The following ANKS1B variants were observed in gnomAD, a reference collection of about 807,000 sequenced individuals.
ANKS1B encodes ankyrin repeat and sterile alpha motif domain containing 1B, also known as ankyrin repeat and sterile alpha motif domain-containing protein 1B.
In ANKS1B, 36 loss-of-function variants were observed where a neutral mutation model predicts 148.3. The observed-to-expected ratio is 0.24, with a 90% CI of 0.19 to 0.32. The LOEUF (loss-of-function observed/expected upper bound fraction) is 0.32, where lower values mean the gene tolerates loss of function less well. ANKS1B is among the 10% of genes least tolerant of loss of function. The pLI is 1.00. For synonymous variants in ANKS1B, 542 were observed against 560.8 expected (o/e 0.97, Z 0.47); for missense variants, 1,157 against 1,542.6 (o/e 0.75, Z 4.19).
intron 9 of ANKS1B, among the ~76,000 whole-genome samples, chr12:99,573,117 C>T (rs1349097070): frequency 6.6e-6 from 1 of 152,050 alleles, no homozygotes. Flanking sequence ...AGTGGAGTCT[C>T]AGTCAGATAA....
At chr12:99,461,429 TA>T (rs377620401) in intron 10 of ANKS1B, among the ~76,000 whole-genome samples, 3 of 150,634 alleles carry the variant, frequency 2.0e-5, no homozygotes, top group Admixed American at 1.3e-4. Flanking sequence ...CTATTAAAAT[TA>T]AAAAAAAAGA....
chr12:99,314,894 C>T (rs1327782619), intron 12 of ANKS1B, among the ~76,000 whole-genome samples: 2 of 152,064 alleles, frequency 1.3e-5, no homozygotes, highest in African/African-American at 2.4e-5. Context: ...AAAGCAATTG[C>T]GACAAAAGCA....
At chr12:99,466,967 C>G (rs537257275) in intron 10 of ANKS1B, among the ~76,000 whole-genome samples, 1 of 152,228 alleles carries the variant, frequency 6.6e-6, no homozygotes, top group African/African-American at 2.4e-5. Context: ...GATACCAAAG[C>G]CTGGCAGAGA....
At chr12:99,017,993 A>T (rs1228688146) in intron 17 of ANKS1B, among the ~76,000 whole-genome samples, 2 of 152,198 alleles carry the variant, frequency 1.3e-5, no homozygotes, top group Non-Finnish European at 2.9e-5. Flanking sequence ...TGGAAAAAAC[A>T]GCCATAGATG....
intron 9 of ANKS1B, among the ~76,000 whole-genome samples, chr12:99,558,256 A>G (rs2097298374): frequency 6.6e-6 from 1 of 152,156 alleles, no homozygotes; most frequent in Non-Finnish European, 1.5e-5. Context: ...AGGCATTGGC[A>G]GAGATGGGGT....
chr12:99,353,982 T>G (rs2091724120), intron 12 of ANKS1B, among the ~76,000 whole-genome samples: 1 of 152,052 alleles, frequency 6.6e-6, no homozygotes, highest in Admixed American at 6.6e-5. Context: ...AGGATGCATC[T>G]ATGTTTATGC....
chr12:99,983,986 CTAATT>C (rs2153869683), intron 1 of ANKS1B, 113 bp downstream of exon 1: 1 of 894,016 alleles, frequency 1.1e-6, no homozygotes, highest in East Asian at 2.5e-5. Context: ...GTTTTCCTAC[CTAATT>C]TAAGAATGAA....
At chr12:99,810,665 TG>T (rs2068241982) in intron 3 of ANKS1B, among the ~76,000 whole-genome samples, 1 of 152,032 alleles carries the variant, frequency 6.6e-6, no homozygotes, top group African/African-American at 2.4e-5. Flanking sequence ...GTAATTTAAT[TG>T]ATCTATTCAA....
In ANKS1B at chr12:98,911,759, T is replaced by C. The variant is rs567141434; in HGVS notation, c.2779-79623A>G. 7.2e-5 allele frequency among the ~76,000 whole-genome samples: 11 copies of C among 152,272 alleles called. 1 individual carries two copies. The East Asian group carries it at 2.1e-3, about 29-fold the overall frequency. Reference sequence around the variant, plus strand: ...ACCCTGTGTATGCACCCCTACAAACTATCTCCCCATGGTTTGGTCAGAGCT... The same window carrying C: ...ACCCTGTGTATGCACCCCTACAAACCATCTCCCCATGGTTTGGTCAGAGCT... On this transcript the variant is annotated intron_variant, in intron 17 of 26. Transcript: ENST00000683438.
chr12:99,279,570 G>T (rs760339803), intron 12 of ANKS1B, among the ~76,000 whole-genome samples: 4 of 152,174 alleles, frequency 2.6e-5, no homozygotes, highest in Non-Finnish European at 4.4e-5. Flanking sequence ...AATCTGTGGG[G>T]TGGGGTGGGG....
chr12:99,722,795 G>A (rs1181841122), intron 8 of ANKS1B, among the ~76,000 whole-genome samples: 1 of 152,218 alleles, frequency 6.6e-6, no homozygotes, highest in Non-Finnish European at 1.5e-5. Context: ...AACCATAATA[G>A]CATGTGAATC....
chr12:99,929,065 T>C (rs2094546612), intron 1 of ANKS1B, among the ~76,000 whole-genome samples: 1 of 152,232 alleles, frequency 6.6e-6, no homozygotes, highest in Non-Finnish European at 1.5e-5. Flanking sequence ...CAGGAAATAT[T>C]ATAAGCTTCA....
intron 12 of ANKS1B, among the ~76,000 whole-genome samples, chr12:99,253,282 T>G (rs1329458161): frequency 6.6e-6 from 1 of 150,974 alleles, no homozygotes; most frequent in African/African-American, 2.4e-5. Context: ...AGAGGGAGAC[T>G]TTGAATGTAA....
At chr12:99,139,192 CTTTG>C (rs1245730566) in intron 15 of ANKS1B, among the ~76,000 whole-genome samples, 2 of 149,254 alleles carry the variant, frequency 1.3e-5, no homozygotes, top group Non-Finnish European at 3.0e-5. Flanking sequence ...TTCTTTTTCT[CTTTG>C]TTTTTCTTTC....
chr12:98,928,388 C>A (rs1021336076), intron 17 of ANKS1B, among the ~76,000 whole-genome samples: 1 of 151,708 alleles, frequency 6.6e-6, no homozygotes, highest in South Asian at 2.1e-4. Context: ...TTCATAAGTT[C>A]TACCAAAAAA....
At chr12:99,620,039 T>G (rs11109948) in intron 9 of ANKS1B, among the ~76,000 whole-genome samples, 20,631 of 152,146 alleles carry the variant, frequency 0.14, 1,809 homozygotes, top group Non-Finnish European at 0.18. Flanking sequence ...TGGCCTCAGC[T>G]GGCTGTTACC....
intron 15 of ANKS1B, among the ~76,000 whole-genome samples, chr12:99,091,686 A>G (rs2054038464): frequency 6.6e-6 from 1 of 152,216 alleles, no homozygotes; most frequent in Non-Finnish European, 1.5e-5. Context: ...TCTTCCTTCA[A>G]CTTTCACACT....
intron 1 of ANKS1B, 94 bp from the exon 2 acceptor site, chr12:99,825,483 G>T: frequency 6.7e-6 from 6 of 899,412 alleles, no homozygotes; most frequent in Non-Finnish European, 1.0e-5. Context: ...TCAGCAGCAG[G>T]TTGTAGATAA....
intron 16 of ANKS1B, among the ~76,000 whole-genome samples, chr12:99,074,803 T>A (rs184301593): frequency 7.9e-5 from 12 of 152,342 alleles, no homozygotes; most frequent in Non-Finnish European, 1.8e-4. Flanking sequence ...CTAATCAGCA[T>A]TTTTGTTTGG....
Sources: gnomAD v4.1 joint callset for allele counts (sites outside exome capture counted in the v4.1 genomes callset) on GRCh38, gnomAD v4.1.1 for gene constraint, MANE v1.5 for transcripts, NCBI Gene and HGNC (gene_info 2026-07-23, HGNC 2026-07-21) for gene names.